The following PDSS1 variants were observed in gnomAD, a reference collection of about 807,000 sequenced individuals.
The protein encoded by PDSS1 is all trans-polyprenyl-diphosphate synthase PDSS1.
Under a neutral mutation model 57.5 loss-of-function variants are expected in PDSS1, and 43 were observed. That is an observed-to-expected ratio of 0.75 (90% CI 0.59 to 0.96). The LOEUF (loss-of-function observed/expected upper bound fraction) is 0.96, where lower values mean the gene tolerates loss of function less well. PDSS1 is among the 50% of genes least tolerant of loss of function. PDSS1 has a pLI of 0.00. For synonymous variants in PDSS1, 175 were observed against 191.3 expected, an observed-to-expected ratio of 0.91 and a Z score of 0.70; for missense variants, 438 against 527.8, an observed-to-expected ratio of 0.83 and a Z score of 1.67.
chr10:26,734,487 AGTGGCCG>A (rs1201335349), intron 8 of PDSS1, among the ~76,000 whole-genome samples: 4 of 152,350 alleles, frequency 2.6e-5, no homozygotes, highest in Non-Finnish European at 4.4e-5. Flanking sequence ...AATGCACTTC[AGTGGCCG>A]GTGCCAGCTA....
intron 5 of PDSS1, among the ~76,000 whole-genome samples, chr10:26,711,637 C>T (rs1370834135): frequency 2.0e-5 from 2 of 98,268 alleles, no homozygotes; most frequent in African/African-American, 6.6e-5. Flanking sequence ...CAGAGTTCCG[C>T]AGCCTCGGGA....
intron 8 of PDSS1, among the ~76,000 whole-genome samples, chr10:26,730,891 T>C (rs533413133): frequency 2.6e-5 from 4 of 152,300 alleles, no homozygotes; most frequent in African/African-American, 9.6e-5. Context: ...AGGAAAATGA[T>C]TCCACATTGG....
chr10:26,742,066 G>A (rs746111729), intron 10 of PDSS1, among the ~76,000 whole-genome samples: 5 of 152,070 alleles, frequency 3.3e-5, no homozygotes, highest in Admixed American at 6.6e-5. Context: ...TAGTAGAAAC[G>A]GAGTTTCACC....
intron 5 of PDSS1, among the ~76,000 whole-genome samples, chr10:26,719,757 C>A (rs1835721059): frequency 6.6e-6 from 1 of 152,138 alleles, no homozygotes. Flanking sequence ...CAGAGCGAGA[C>A]CCTGTCTCAA....
At chr10:26,724,548 G>A (rs1835891467) in intron 8 of PDSS1, among the ~76,000 whole-genome samples, 1 of 152,002 alleles carries the variant, frequency 6.6e-6, no homozygotes, top group African/African-American at 2.4e-5. Flanking sequence ...GATTGTACTA[G>A]CATTCTATGA....
chr10:26,709,892 C>A lies in PDSS1; in HGVS notation c.467+124C>A, dbSNP rs1835367077. On this transcript the variant is annotated intron_variant, in intron 5 of 11. Coordinates refer to ENST00000376215, the MANE Select transcript of PDSS1 (RefSeq NM_014317.5). Reference sequence around the variant, plus strand: ...TACCGGCTGGGCATGGTGGCTCATGCCTATAATCCCAGCATTCTGGGAGCC... The same window carrying A: ...TACCGGCTGGGCATGGTGGCTCATGACTATAATCCCAGCATTCTGGGAGCC... The A allele has an allele frequency of 3.9e-6, 4 of 1,027,054 alleles. No individual in the cohort carries two copies. In the Admixed American group the frequency reaches 5.7e-5, roughly 15 times the overall value. The allele number at this position is 1,027,054 out of a possible 1,614,324, so 63.6% of individuals were successfully genotyped here.
intron 8 of PDSS1, chr10:26,734,791 A>G (rs1287716324): frequency 6.6e-6 from 3 of 456,356 alleles, no homozygotes; most frequent in African/African-American, 4.0e-5. Flanking sequence ...TTACATTAGT[A>G]TCTCTTCCTG....
chr10:26,706,394 T>C (rs1010451303), intron 4 of PDSS1, among the ~76,000 whole-genome samples: 3 of 152,200 alleles, frequency 2.0e-5, no homozygotes, highest in African/African-American at 7.2e-5. Context: ...CAGCTCCTGC[T>C]CTGTCGCAAT....
rs201106256 is a variant in PDSS1 at position 26,745,862 on chromosome 10, GAA to G, written c.1108-462_1108-461del. Among the ~76,000 whole-genome samples, 264 of 146,412 alleles carry G rather than the reference GAA, an allele frequency of 1.8e-3. 5 individuals are homozygous for G. The East Asian group carries it at 0.047, about 26-fold the overall frequency. On this transcript the variant is annotated intron_variant, in intron 11 of 11. Transcript: ENST00000376215. Reference sequence around the variant, plus strand: ...CCCTGTCTCAAAAAAAAAGAAAAAAGAAAAAAAAAACTATTGGATAAAGTGAG... The same window carrying G: ...CCCTGTCTCAAAAAAAAAGAAAAAAGAAAAAAAACTATTGGATAAAGTGAG...
chr10:26,720,282 G>A lies in PDSS1; in HGVS notation c.532G>A (p.Val178Ile). 2 of 1,614,058 alleles carry A rather than the reference G, an allele frequency of 1.2e-6. No individual in the cohort carries two copies. The highest frequency in any genetic ancestry group is 1.7e-6 in the Non-Finnish European group (2 of 1,179,974). Reference protein sequence around the residue: ...IAEMIHTASLVHDDVIDDASS... With the variant: ...IAEMIHTASLIHDDVIDDASS... ...AGAAATGATCCACACTGCTAGTCTG[G>A]TTCACGATGACGTTATTGACGATGC... The change falls in exon 6 of 12, where the codon GTT (valine) becomes ATT (isoleucine). Residue 178 changes from valine to isoleucine, a missense_variant. Val to Ile is a conservative substitution (Grantham distance 29, BLOSUM62 3). Transcript: ENST00000376215.
At chr10:26,698,797 G>A (rs569754628) in intron 1 of PDSS1, among the ~76,000 whole-genome samples, 7 of 152,252 alleles carry the variant, frequency 4.6e-5, no homozygotes, top group Non-Finnish European at 5.9e-5. Context: ...TATCTACTTT[G>A]TACCAAAGTA....
At chr10:26,699,640 C>T (rs1246498849) in intron 1 of PDSS1, among the ~76,000 whole-genome samples, 2 of 152,024 alleles carry the variant, frequency 1.3e-5, no homozygotes. Context: ...AGTGATCCAC[C>T]CCCTCCTCGG....
At chr10:26,707,988 T>G (rs1835298040) in intron 4 of PDSS1, among the ~76,000 whole-genome samples, 1 of 152,240 alleles carries the variant, frequency 6.6e-6, no homozygotes, top group South Asian at 2.1e-4. Flanking sequence ...TCCATGCCCC[T>G]GGTCCTTTCA....
At chr10:26,701,941 GGAGCCCACCC>G (rs1266647260) in intron 1 of PDSS1, 2 of 427,270 alleles carry the variant, frequency 4.7e-6, no homozygotes, top group Non-Finnish European at 9.4e-6. Flanking sequence ...CAAGTTCTTG[GGAGCCCACCC>G]TTTGCATCAG....
chr10:26,731,012 G>C (rs1836173839), intron 8 of PDSS1, among the ~76,000 whole-genome samples: 1 of 151,916 alleles, frequency 6.6e-6, no homozygotes, highest in Admixed American at 6.6e-5. Context: ...TTCGAGACCA[G>C]CCTGGCCAAC....
chr10:26,700,439 T>G (rs1616471), intron 1 of PDSS1, among the ~76,000 whole-genome samples: 1 of 151,750 alleles, frequency 6.6e-6, no homozygotes, highest in Non-Finnish European at 1.5e-5. Flanking sequence ...CCTCCTGATA[T>G]GGTTTGGCTC....
At chr10:26,726,976 C>T (rs954218626) in intron 8 of PDSS1, among the ~76,000 whole-genome samples, 5 of 151,786 alleles carry the variant, frequency 3.3e-5, no homozygotes, top group African/African-American at 7.3e-5. Flanking sequence ...GCAGGAGAAC[C>T]GCTTGAACCC....
intron 6 of PDSS1, 30 bp downstream of exon 6, chr10:26,720,389 T>C (rs754963544): frequency 1.4e-6 from 2 of 1,422,116 alleles, no homozygotes; most frequent in East Asian, 4.5e-5. Context: ...TTAAAATCTC[T>C]CTTACTGAAT....
At chr10:26,729,586 A>G (rs1836092919) in intron 8 of PDSS1, among the ~76,000 whole-genome samples, 1 of 152,216 alleles carries the variant, frequency 6.6e-6, no homozygotes, top group South Asian at 2.1e-4. Flanking sequence ...AGAATATACC[A>G]TAGGAGTTTA....
Sources: gnomAD v4.1 joint callset for allele counts (sites outside exome capture counted in the v4.1 genomes callset) on GRCh38, gnomAD v4.1.1 for gene constraint, MANE v1.5 for transcripts, NCBI Gene and HGNC (gene_info 2026-07-23, HGNC 2026-07-21) for gene names.